Variants in GSG1L observed in about 807,000 individuals in gnomAD.
GSG1L encodes germ cell-specific gene 1-like protein.
Under a neutral mutation model 42.1 loss-of-function variants are expected in GSG1L, and 24 were observed. The observed-to-expected ratio is 0.57, with a 90% CI of 0.41 to 0.80. The LOEUF (loss-of-function observed/expected upper bound fraction) is 0.80, where lower values mean the gene tolerates loss of function less well. Among genes scored for constraint, GSG1L ranks in the 30% least tolerant of loss-of-function variants. The probability of loss-of-function intolerance (pLI) is 0.00; values close to 1 mark genes in which losing one functional copy is unlikely to be tolerated. For missense variants in GSG1L, 445 were observed against 472.2 expected, an observed-to-expected ratio of 0.94 and a Z score of 0.53; for synonymous variants, 215 against 203.5, an observed-to-expected ratio of 1.06 and a Z score of -0.48.
rs141400489 is a variant in GSG1L at position 27,819,165 on chromosome 16, G to A, written c.830+9624C>T. Among the ~76,000 whole-genome samples the A allele has an allele frequency of 4.4e-3, 675 of 151,898 alleles. 3 individuals carry two copies. The highest frequency in any genetic ancestry group is 0.015 in the African/African-American group (625 of 41,396). On this transcript the variant is annotated intron_variant, in intron 5 of 6. Transcript: ENST00000447459. Reference sequence around the variant, plus strand: ...CTAGGGAGGCTGAGGCAGGAAAATCGCTTAAACCGGGGAGGCAGAGGTTGC... The same window carrying A: ...CTAGGGAGGCTGAGGCAGGAAAATCACTTAAACCGGGGAGGCAGAGGTTGC...
At chr16:27,967,511 G>T (rs1044928160) in intron 1 of GSG1L, among the ~76,000 whole-genome samples, 1 of 152,182 alleles carries the variant, frequency 6.6e-6, no homozygotes, top group South Asian at 2.1e-4. Context: ...AGACAAAGAC[G>T]ATAAGGCCCA....
intron 6 of GSG1L, among the ~76,000 whole-genome samples, chr16:27,791,680 C>T (rs373328444): frequency 7.2e-5 from 11 of 152,222 alleles, no homozygotes; most frequent in African/African-American, 2.6e-4. Context: ...AGTTCACCAA[C>T]ACACCTGTGA....
At chr16:27,813,988 A>T (rs11074882) in intron 5 of GSG1L, among the ~76,000 whole-genome samples, 101,692 of 152,080 alleles carry the variant, frequency 0.67, 34,631 homozygotes, top group African/African-American at 0.8. Flanking sequence ...TGCCACTGCC[A>T]CCCTGGTTGT....
intron 2 of GSG1L, among the ~76,000 whole-genome samples, chr16:27,960,344 A>T (rs2085054537): frequency 6.6e-6 from 1 of 152,192 alleles, no homozygotes; most frequent in Admixed American, 6.5e-5. Context: ...TGGGGATTAC[A>T]GGAGCCAACG....
chr16:27,918,931 G>A (rs1185861588), intron 2 of GSG1L, among the ~76,000 whole-genome samples: 1 of 152,116 alleles, frequency 6.6e-6, no homozygotes, highest in East Asian at 1.9e-4. Context: ...TTTACCCAGG[G>A]CAGACATTGC....
At chr16:28,019,181 G>T (rs528213867) in intron 1 of GSG1L, among the ~76,000 whole-genome samples, 2 of 152,166 alleles carry the variant, frequency 1.3e-5, no homozygotes, top group Non-Finnish European at 2.9e-5. Flanking sequence ...GATGAGATGG[G>T]AGCACAAGAT....
chr16:28,062,649 C>T (rs939153372), intron 1 of GSG1L, among the ~76,000 whole-genome samples: 1 of 152,166 alleles, frequency 6.6e-6, no homozygotes, highest in Non-Finnish European at 1.5e-5. Context: ...TGCATCACCC[C>T]CACCCCCAGG....
At chr16:27,929,959 A>G (rs1467194958) in intron 2 of GSG1L, among the ~76,000 whole-genome samples, 1 of 152,096 alleles carries the variant, frequency 6.6e-6, no homozygotes, top group East Asian at 1.9e-4. Context: ...GCCATGTGCA[A>G]TAGCCAAGCC....
chr16:27,974,637 A>C lies in GSG1L; in HGVS notation c.350-11434T>G, dbSNP rs2085231465. Among the ~76,000 whole-genome samples the C allele has an allele frequency of 3.9e-5, 6 of 152,312 alleles. No individual in the cohort carries two copies. In the South Asian group the frequency reaches 1.2e-3, roughly 32 times the overall value. ...AATGCCATGTGTGACTGCCCTCACC[A>C]TCACACACCATTGCATCTTGCTTGC... On this transcript the variant is annotated intron_variant, in intron 1 of 6. Coordinates refer to ENST00000447459, the MANE Select transcript of GSG1L (RefSeq NM_001109763.2).
rs1322279243 is a variant in GSG1L at position 27,856,566 on chromosome 16, C to T, written c.551-11505G>A. On this transcript the variant is annotated intron_variant, in intron 3 of 6. Coordinates refer to ENST00000447459, the MANE Select transcript of GSG1L (RefSeq NM_001109763.2). ...CTTGGCTCAAGTGATCCCACCTCAG[C>T]CTCTCAAAGTGCTGGGATTACAGGC... Among the ~76,000 whole-genome samples, 4 of 152,238 alleles carry T rather than the reference C, an allele frequency of 2.6e-5. No individual in the cohort carries two copies. In the East Asian group the frequency reaches 5.8e-4, roughly 22 times the overall value.
Position 27,929,104 on chromosome 16 carries a change from C to CA in GSG1L, c.397+34051dup, listed in dbSNP as rs747765213. Reference sequence around the variant, plus strand: ...GTGCAGCCCAGGTACCTGTATTTCTCAAAACCTCCCCAGGTAGTTCCAAGG... The same window carrying CA: ...GTGCAGCCCAGGTACCTGTATTTCTCAAAAACCTCCCCAGGTAGTTCCAAGG... On this transcript the variant is annotated intron_variant, in intron 2 of 6. Transcript: ENST00000447459. Among the ~76,000 whole-genome samples, 40 of 152,324 alleles carry CA rather than the reference C, an allele frequency of 2.6e-4. No individual in the cohort carries two copies. In the Middle Eastern group the frequency reaches 0.01, roughly 39 times the overall value.
rs903887433 is a variant in GSG1L at position 27,884,694 on chromosome 16, C to T, written c.398-56G>A. On this transcript the variant is annotated intron_variant, in intron 2 of 6. Coordinates refer to ENST00000447459, the MANE Select transcript of GSG1L (RefSeq NM_001109763.2). This position sits in a 1 kb window ranked among gnomAD's most constrained non-coding sequence, Gnocchi z 4.4. ...TGAGGGGCCACCCAAGATAGACTCACCCTGTGCCTATTCCTCCCACAACAG... is the reference window on the plus strand; with the variant it reads ...TGAGGGGCCACCCAAGATAGACTCATCCTGTGCCTATTCCTCCCACAACAG... 15 of 1,501,926 alleles carry T rather than the reference C, an allele frequency of 1.0e-5. No homozygotes were observed. The Middle Eastern group carries it at 1.5e-3, about 155-fold the overall frequency. 93.0% of individuals were successfully genotyped at this position (1,501,926 alleles called of 1,614,324 possible).
intron 1 of GSG1L, among the ~76,000 whole-genome samples, chr16:27,982,120 C>A (rs1230199505): frequency 6.6e-6 from 1 of 152,184 alleles, no homozygotes; most frequent in Non-Finnish European, 1.5e-5. Flanking sequence ...GTAATCCCAG[C>A]ACGCTGGGAG....
At chr16:27,853,198 G>A (rs1567487578) in intron 3 of GSG1L, among the ~76,000 whole-genome samples, 1 of 152,218 alleles carries the variant, frequency 6.6e-6, no homozygotes, top group African/African-American at 2.4e-5. Context: ...TGGTCACGAC[G>A]GAGACCAAAG....
chr16:27,811,692 A>G (rs1033660337), intron 5 of GSG1L, among the ~76,000 whole-genome samples: 1 of 152,240 alleles, frequency 6.6e-6, no homozygotes, highest in Non-Finnish European at 1.5e-5. Flanking sequence ...TCTGTCGCCC[A>G]GGCTGGCATG....
intron 1 of GSG1L, among the ~76,000 whole-genome samples, chr16:28,015,197 C>CG (rs1163602161): frequency 8.1e-4 from 124 of 152,308 alleles, no homozygotes; most frequent in African/African-American, 2.9e-3. Flanking sequence ...AGGGTCTGGG[C>CG]AACACCATAT....
chr16:28,042,796 C>A (rs1201403243), intron 1 of GSG1L, among the ~76,000 whole-genome samples: 1 of 152,120 alleles, frequency 6.6e-6, no homozygotes, highest in Admixed American at 6.6e-5. Context: ...CATGTGTTTG[C>A]GTCCCTAAGA....
chr16:27,879,117 T>C (rs1034138730), intron 3 of GSG1L, among the ~76,000 whole-genome samples: 2 of 152,068 alleles, frequency 1.3e-5, no homozygotes, highest in African/African-American at 2.4e-5. Context: ...GAACCCAAGA[T>C]TGGAGTCTAG....
At chr16:27,911,266 G>A (rs76478545) in intron 2 of GSG1L, among the ~76,000 whole-genome samples, 1 of 122,056 alleles carries the variant, frequency 8.2e-6, no homozygotes, top group African/African-American at 3.5e-5. Flanking sequence ...CCTCTCTCTC[G>A]CTCTCTCTCT....
Sources: allele counts gnomAD v4.1 joint callset (sites outside exome capture counted in the v4.1 genomes callset), GRCh38; gene constraint gnomAD v4.1.1; non-coding constraint Gnocchi (gnomAD v3.1); transcripts MANE v1.5; gene names NCBI Gene and HGNC (gene_info 2026-07-23, HGNC 2026-07-21).